SHROOM3: variants seen among roughly 807,000 people sequenced by gnomAD.
The protein encoded by SHROOM3 is shroom family member 3, also known as protein Shroom3.
In SHROOM3, 47 loss-of-function variants were observed where a neutral mutation model predicts 138.6. The observed-to-expected ratio is 0.34, with a 90% confidence interval of 0.27 to 0.43. The LOEUF is 0.43. Among genes scored for constraint, SHROOM3 ranks in the 20% least tolerant of loss-of-function variants. The probability of loss-of-function intolerance (pLI) is 1.00; values close to 1 mark genes in which losing one functional copy is unlikely to be tolerated. For synonymous variants in SHROOM3, 1,062 were observed against 1,063.3 expected (o/e 1.00, Z 0.02); for missense variants, 2,491 against 2,596.5 (o/e 0.96, Z 0.88).
intron 3 of SHROOM3, among the ~76,000 whole-genome samples, chr4:76,718,024 A>G (rs1052358795): frequency 2.0e-5 from 3 of 152,222 alleles, no homozygotes; most frequent in African/African-American, 7.2e-5. Flanking sequence ...AAAATAGGAC[A>G]TGGAAAAAAA....
intron 2 of SHROOM3, among the ~76,000 whole-genome samples, chr4:76,569,741 G>A (rs1733798097): frequency 6.7e-6 from 1 of 149,612 alleles, no homozygotes; most frequent in South Asian, 2.1e-4. Flanking sequence ...TAGACAACTT[G>A]CATCAAAACG....
At chr4:76,769,758 T>C (rs1722287093) in intron 9 of SHROOM3, among the ~76,000 whole-genome samples, 1 of 152,192 alleles carries the variant, frequency 6.6e-6, no homozygotes, top group Admixed American at 6.5e-5. Flanking sequence ...TTATTATAGG[T>C]AGATAAAACA....
At chr4:76,768,509 G>A (rs1230465980) in intron 9 of SHROOM3, among the ~76,000 whole-genome samples, 1 of 152,060 alleles carries the variant, frequency 6.6e-6, no homozygotes, top group Non-Finnish European at 1.5e-5. Flanking sequence ...TGATGAGATG[G>A]TGCAGCAGAT....
At chr4:76,571,055 C>T (rs1315182227) in intron 2 of SHROOM3, among the ~76,000 whole-genome samples, 1 of 152,166 alleles carries the variant, frequency 6.6e-6, no homozygotes, top group Non-Finnish European at 1.5e-5. Context: ...CAAACTTAGC[C>T]TGCTATCTTT....
chr4:76,473,812 A>T (rs1731427602), intron 1 of SHROOM3, among the ~76,000 whole-genome samples: 1 of 152,204 alleles, frequency 6.6e-6, no homozygotes, highest in African/African-American at 2.4e-5. Flanking sequence ...AGGACAGACA[A>T]TAAAAAGTGT....
chr4:76,653,333 T>G (rs1736000808), intron 2 of SHROOM3, among the ~76,000 whole-genome samples: 1 of 151,990 alleles, frequency 6.6e-6, no homozygotes, highest in African/African-American at 2.4e-5. Flanking sequence ...CATTGAAGGA[T>G]GCTTAGTAGC....
intron 2 of SHROOM3, among the ~76,000 whole-genome samples, chr4:76,575,160 A>G (rs1431782815): frequency 6.6e-6 from 1 of 152,234 alleles, no homozygotes; most frequent in Non-Finnish European, 1.5e-5. Context: ...ACATCCCTTC[A>G]TGATAAAAGT....
chr4:76,592,310 A>C (rs1734291584), intron 2 of SHROOM3, among the ~76,000 whole-genome samples: 4 of 152,108 alleles, frequency 2.6e-5, no homozygotes. Flanking sequence ...AAATCCTAGG[A>C]GAACTTGCTT....
At chr4:76,705,307 A>AAACAACAACAAC (rs147261587) in intron 2 of SHROOM3, among the ~76,000 whole-genome samples, 1 of 150,870 alleles carries the variant, frequency 6.6e-6, no homozygotes, top group Admixed American at 6.6e-5. Context: ...CCGTCTCTAC[A>AAACAACAACAAC]AACAACAACA....
chr4:76,651,752 C>T (rs1735966081), intron 2 of SHROOM3, among the ~76,000 whole-genome samples: 1 of 152,132 alleles, frequency 6.6e-6, no homozygotes. Context: ...CTCCTCCTTA[C>T]AAATTTGCTT....
At chr4:76,757,093 C>T (rs1277720126) in intron 8 of SHROOM3, 156 bp downstream of exon 8, 3 of 1,166,780 alleles carry the variant, frequency 2.6e-6, no homozygotes, top group Non-Finnish European at 3.7e-6. Context: ...ATGGCTCTGG[C>T]AGTGAGGATG....
chr4:76,485,714 C>T (rs951511971), intron 1 of SHROOM3, among the ~76,000 whole-genome samples: 3 of 152,118 alleles, frequency 2.0e-5, no homozygotes, highest in African/African-American at 7.2e-5. Context: ...TTTCCCAAGT[C>T]ATTTGAAAAT....
chr4:76,724,475 T>G (rs1408272354), intron 3 of SHROOM3, among the ~76,000 whole-genome samples: 2 of 152,322 alleles, frequency 1.3e-5, no homozygotes, highest in East Asian at 3.9e-4. Flanking sequence ...GTGAATTGTA[T>G]TTTCAAAATG....
intron 1 of SHROOM3, among the ~76,000 whole-genome samples, chr4:76,515,231 A>G (rs1440551860): frequency 6.6e-6 from 1 of 151,188 alleles, no homozygotes; most frequent in Admixed American, 6.6e-5. Flanking sequence ...AAAAAAAAAA[A>G]AAAAATTAGC....
At chr4:76,678,286 C>T (rs983026112) in intron 2 of SHROOM3, among the ~76,000 whole-genome samples, 14 of 152,086 alleles carry the variant, frequency 9.2e-5, no homozygotes, top group African/African-American at 3.4e-4. Context: ...TGACATAGAG[C>T]ACCAAATAAG....
chr4:76,467,234 A>C (rs1158894464), intron 1 of SHROOM3, among the ~76,000 whole-genome samples: 1 of 151,828 alleles, frequency 6.6e-6, no homozygotes, highest in African/African-American at 2.4e-5. Context: ...TTTGGTAGAG[A>C]TGGGGTTTCA....
chr4:76,735,856 AAAAAAAAAAAAAAT>A (rs1472166452), intron 4 of SHROOM3, among the ~76,000 whole-genome samples: 9 of 48,008 alleles, frequency 1.9e-4, no homozygotes, highest in African/African-American at 6.5e-4. Flanking sequence ...AAAAAAAAAA[AAAAAAAAAAAAAAT>A]ATATATATAT....
intron 2 of SHROOM3, among the ~76,000 whole-genome samples, chr4:76,692,140 G>C (rs1410600866): frequency 6.6e-6 from 1 of 152,242 alleles, no homozygotes; most frequent in Non-Finnish European, 1.5e-5. Flanking sequence ...AGAAGATTGG[G>C]AGGTAGAGCC....
chr4:76,461,585 A>G (rs991013145), intron 1 of SHROOM3, among the ~76,000 whole-genome samples: 1 of 152,234 alleles, frequency 6.6e-6, no homozygotes, highest in Non-Finnish European at 1.5e-5. Context: ...AAGCAGACAC[A>G]TGATAGTTTG....
Sources: allele counts gnomAD v4.1 joint callset (sites outside exome capture counted in the v4.1 genomes callset), GRCh38; gene constraint gnomAD v4.1.1; transcripts MANE v1.5; gene names NCBI Gene and HGNC (gene_info 2026-07-23, HGNC 2026-07-21).